ARK2N: variants seen among roughly 807,000 people sequenced by gnomAD.
ARK2N encodes protein ARK2N.
At chr18:46,238,225 T>A in the ARK2N span, among the ~76,000 whole-genome samples, 1 of 152,274 alleles carries the variant, frequency 6.6e-6, no homozygotes, top group Non-Finnish European at 1.5e-5. Flanking sequence ...CTCTGAATGG[T>A]ATTAGTCATA....
chr18:46,252,977 C>A, the ARK2N span, among the ~76,000 whole-genome samples: 1 of 152,134 alleles, frequency 6.6e-6, no homozygotes, highest in Admixed American at 6.5e-5. Context: ...CCCCCAGTGC[C>A]ACAAACTGTT....
At chr18:46,203,887 A>G in the ARK2N span, among the ~76,000 whole-genome samples, 7 of 152,164 alleles carry the variant, frequency 4.6e-5, no homozygotes, top group African/African-American at 1.4e-4. Context: ...GCAACCCCCA[A>G]AAATGTTTAA....
At chr18:46,231,047 T>G in the ARK2N span, among the ~76,000 whole-genome samples, 1 of 152,212 alleles carries the variant, frequency 6.6e-6, no homozygotes, top group Non-Finnish European at 1.5e-5. Context: ...TATTAGACAA[T>G]AATAACTCTC....
the ARK2N span, among the ~76,000 whole-genome samples, chr18:46,234,995 CT>C: frequency 9.5e-3 from 1,446 of 152,242 alleles, 30 homozygotes; most frequent in African/African-American, 0.032. Flanking sequence ...ATTGCCCCAC[CT>C]TTCCTTGTGC....
the ARK2N span, chr18:46,219,014 A>G: frequency 6.6e-6 from 1 of 152,244 alleles, no homozygotes; most frequent in Non-Finnish European, 1.5e-5. Flanking sequence ...GGCTCAGCTT[A>G]AAAGTTGAAG....
the ARK2N span, among the ~76,000 whole-genome samples, chr18:46,184,180 C>T: frequency 3.9e-5 from 6 of 152,120 alleles, no homozygotes; most frequent in Admixed American, 3.3e-4. Flanking sequence ...TTAGTAGAGA[C>T]GGGGTTTCAC....
chr18:46,237,536 C>T, the ARK2N span, among the ~76,000 whole-genome samples: 534 of 151,850 alleles, frequency 3.5e-3, 4 homozygotes, highest in African/African-American at 0.012. Context: ...TACAGGTGTG[C>T]GCCACCACAC....
chr18:46,198,849 G>A, the ARK2N span, among the ~76,000 whole-genome samples: 2 of 152,120 alleles, frequency 1.3e-5, no homozygotes, highest in South Asian at 4.2e-4. Context: ...CACCTGCCTC[G>A]GCCTCCCAAA....
At chr18:46,183,857 T>G in the ARK2N span, among the ~76,000 whole-genome samples, 2 of 152,172 alleles carry the variant, frequency 1.3e-5, no homozygotes, top group African/African-American at 4.8e-5. Flanking sequence ...AGAGTCTTGC[T>G]CTGTCGCCCA....
At chr18:46,194,417 G>A in the ARK2N span, among the ~76,000 whole-genome samples, 2 of 151,792 alleles carry the variant, frequency 1.3e-5, no homozygotes, top group Admixed American at 6.6e-5. Context: ...TGGCCAACAT[G>A]GTGGAACCCC....
At chr18:46,174,693 A>G in the ARK2N span, among the ~76,000 whole-genome samples, 1 of 152,126 alleles carries the variant, frequency 6.6e-6, no homozygotes, top group African/African-American at 2.4e-5. Context: ...GAGGTGCCGC[A>G]GTCCCCGGGC....
At chr18:46,228,176 A>G in the ARK2N span, among the ~76,000 whole-genome samples, 6 of 152,234 alleles carry the variant, frequency 3.9e-5, no homozygotes, top group African/African-American at 1.4e-4. Context: ...TAATGAATCT[A>G]CAGTCTTTAC....
the ARK2N span, among the ~76,000 whole-genome samples, chr18:46,261,409 T>C: frequency 3.9e-5 from 6 of 152,362 alleles, no homozygotes; most frequent in Non-Finnish European, 8.8e-5. Context: ...CTCATAGGTC[T>C]GTCAGAATTG....
chr18:46,193,519 C>T, the ARK2N span, among the ~76,000 whole-genome samples: 1 of 151,276 alleles, frequency 6.6e-6, no homozygotes, highest in Non-Finnish European at 1.5e-5. Context: ...GAACTTCTGA[C>T]CTCAAGTGAT....
chr18:46,253,215 C>G, the ARK2N span, among the ~76,000 whole-genome samples: 2 of 152,216 alleles, frequency 1.3e-5, no homozygotes, highest in Non-Finnish European at 2.9e-5. Context: ...TTCTATTATT[C>G]TATATGTGCC....
At chr18:46,261,056 C>T in the ARK2N span, among the ~76,000 whole-genome samples, 3 of 152,176 alleles carry the variant, frequency 2.0e-5, no homozygotes, top group Non-Finnish European at 4.4e-5. Context: ...CATTGACTCT[C>T]TTTGCCACTC....
At chr18:46,191,415 C>T in the ARK2N span, among the ~76,000 whole-genome samples, 1 of 151,628 alleles carries the variant, frequency 6.6e-6, no homozygotes, top group East Asian at 1.9e-4. Flanking sequence ...AGGCTGATCT[C>T]AAGCAACCCT....
the ARK2N span, chr18:46,232,860 T>C: frequency 6.6e-6 from 1 of 152,186 alleles, no homozygotes; most frequent in East Asian, 1.9e-4. Flanking sequence ...TTTTATTTTA[T>C]TGCATTTTCT....
At chr18:46,215,050 G>A in the ARK2N span, among the ~76,000 whole-genome samples, 1 of 152,174 alleles carries the variant, frequency 6.6e-6, no homozygotes, top group Non-Finnish European at 1.5e-5. Context: ...CAGGCACGGT[G>A]GCTTACTCCT....
Sources: allele counts gnomAD v4.1 joint callset (sites outside exome capture counted in the v4.1 genomes callset), GRCh38; gene constraint gnomAD v4.1.1; transcripts MANE v1.5; gene names NCBI Gene and HGNC (gene_info 2026-07-23, HGNC 2026-07-21).